Variants in ADAMTS2 observed in about 807,000 individuals in gnomAD.
The protein encoded by ADAMTS2 is ADAM metallopeptidase with thrombospondin type 1 motif 2.
In ADAMTS2, 50 loss-of-function variants were observed where a neutral mutation model predicts 123.0. That is an observed-to-expected ratio of 0.41 (90% CI 0.32 to 0.51). The LOEUF (loss-of-function observed/expected upper bound fraction) is 0.51, where lower values mean the gene tolerates loss of function less well. Among genes scored for constraint, ADAMTS2 ranks in the 20% least tolerant of loss-of-function variants. The pLI is 0.35. For missense variants in ADAMTS2, 1,494 were observed against 1,705.2 expected, an observed-to-expected ratio of 0.88 and a Z score of 2.18; for synonymous variants, 678 against 695.4, an observed-to-expected ratio of 0.98 and a Z score of 0.39.
chr5:179,296,757 C>T (rs1205578197), intron 2 of ADAMTS2, among the ~76,000 whole-genome samples: 1 of 152,004 alleles, frequency 6.6e-6, no homozygotes, highest in Non-Finnish European at 1.5e-5. Flanking sequence ...TGCCTGCCTG[C>T]TCCCAGGGTG....
Position 179,118,978 on chromosome 5 carries a change from G to A in ADAMTS2, c.3178+2683C>T, listed in dbSNP as rs115776298. On this transcript the variant is annotated intron_variant, in intron 21 of 21. Coordinates refer to ENST00000251582, the MANE Select transcript of ADAMTS2 (RefSeq NM_014244.5). This position sits in a 1 kb window ranked among gnomAD's most constrained non-coding sequence, Gnocchi z 4.5. ...GAGAATACCTCATTCTCATTTCTCA[G>A]TAAAGGAGTGGTAGGCTCAGACACC... Among the ~76,000 whole-genome samples the A allele has an allele frequency of 8.3e-3, 1,266 of 152,346 alleles. 14 individuals carry two copies. Among genetic ancestry groups the A allele is most frequent in the African/African-American group, 0.029 (1,207 of 41,582 alleles).
Position 179,228,778 on chromosome 5 carries a change from C to A in ADAMTS2, c.689-21063G>T, listed in dbSNP as rs1429747305. On this transcript the variant is annotated intron_variant, in intron 3 of 21. Coordinates refer to ENST00000251582, the MANE Select transcript of ADAMTS2 (RefSeq NM_014244.5). The surrounding 1 kb of genome is among the most constrained non-coding windows in gnomAD (Gnocchi z 5.2). ...GTGGGGCTCCAGACCCGGGGCGGTG[C>A]CTTCACCACGGCCTCCTCATCCAGC... is the stretch of plus-strand genomic sequence containing the variant. Among the ~76,000 whole-genome samples, 1 of 152,246 alleles carries A rather than the reference C, an allele frequency of 6.6e-6. No homozygotes were observed. The highest frequency in any genetic ancestry group is 6.5e-5 in the Admixed American group (1 of 15,286).
At chr5:179,199,216 C>G (rs1406364584) in intron 4 of ADAMTS2, among the ~76,000 whole-genome samples, 1 of 152,214 alleles carries the variant, frequency 6.6e-6, no homozygotes. Context: ...TCATCTCACC[C>G]TTGCATGTGT....
At chr5:179,344,856 C>G (rs1757895086) in intron 1 of ADAMTS2, among the ~76,000 whole-genome samples, 1 of 152,192 alleles carries the variant, frequency 6.6e-6, no homozygotes, top group Admixed American at 6.5e-5. Flanking sequence ...GACGCGAGCC[C>G]CGGCGCCGCC....
At chr5:179,299,290 G>A (rs559221538) in intron 2 of ADAMTS2, among the ~76,000 whole-genome samples, 2 of 138,942 alleles carry the variant, frequency 1.4e-5, no homozygotes, top group African/African-American at 2.7e-5. Context: ...AGCACTTTGG[G>A]AGGCTGAGGC....
chr5:179,204,745 C>A (rs764016705), intron 4 of ADAMTS2, among the ~76,000 whole-genome samples: 2 of 152,242 alleles, frequency 1.3e-5, no homozygotes, highest in African/African-American at 2.4e-5. Flanking sequence ...GCCCACGCTG[C>A]GCTCTTGCAG....
chr5:179,310,625 C>A (rs1170812365), intron 2 of ADAMTS2, among the ~76,000 whole-genome samples: 3 of 152,102 alleles, frequency 2.0e-5, no homozygotes, highest in South Asian at 4.1e-4. Flanking sequence ...AGCCTGGGGG[C>A]CCCCGGGAGC....
intron 5 of ADAMTS2, among the ~76,000 whole-genome samples, chr5:179,174,258 T>C (rs1385005643): frequency 6.6e-6 from 1 of 152,172 alleles, no homozygotes; most frequent in Non-Finnish European, 1.5e-5. Context: ...TTTTTCTTTG[T>C]TTCCTTCCAT....
intron 2 of ADAMTS2, among the ~76,000 whole-genome samples, chr5:179,299,484 A>G (rs576893429): frequency 1.0e-4 from 15 of 145,858 alleles, no homozygotes; most frequent in South Asian, 2.3e-4. Flanking sequence ...AGCCAAGATC[A>G]CACCACAGCA....
chr5:179,236,812 C>T (rs1261478566), intron 3 of ADAMTS2, among the ~76,000 whole-genome samples: 6 of 152,054 alleles, frequency 3.9e-5, no homozygotes, highest in South Asian at 2.1e-4. Flanking sequence ...TTTCCCCCTT[C>T]GATGTATGCT....
chr5:179,228,044 G>A lies in ADAMTS2; in HGVS notation c.689-20329C>T, dbSNP rs1187696541. Among the ~76,000 whole-genome samples the A allele has an allele frequency of 2.0e-5, 3 of 152,120 alleles. No homozygotes were observed. The highest frequency in any genetic ancestry group is 2.9e-5 in the Non-Finnish European group (2 of 68,006). Reference sequence around the variant, plus strand: ...GCAAGGGACCCTCGGGAGGAGCCGCGTGGGAGGAGGAGAAGGCCGTGTGGG... The same window carrying A: ...GCAAGGGACCCTCGGGAGGAGCCGCATGGGAGGAGGAGAAGGCCGTGTGGG... On this transcript the variant is annotated intron_variant, in intron 3 of 21. Transcript: ENST00000251582. This position sits in a 1 kb window ranked among gnomAD's most constrained non-coding sequence, Gnocchi z 5.2.
At chr5:179,235,857 C>T (rs1765512359) in intron 3 of ADAMTS2, among the ~76,000 whole-genome samples, 1 of 152,246 alleles carries the variant, frequency 6.6e-6, no homozygotes. Context: ...GTGCCCCCAC[C>T]CTCAGGGCAT....
At chr5:179,342,935 G>A (rs1757822859) in intron 2 of ADAMTS2, among the ~76,000 whole-genome samples, 1 of 152,200 alleles carries the variant, frequency 6.6e-6, no homozygotes, top group Non-Finnish European at 1.5e-5. Context: ...GACTAGAGAG[G>A]CGCAGGCAGT....
intron 3 of ADAMTS2, among the ~76,000 whole-genome samples, chr5:179,219,633 T>A (rs1361642564): frequency 6.6e-6 from 1 of 152,212 alleles, no homozygotes; most frequent in African/African-American, 2.4e-5. Context: ...GGTGTGAGGC[T>A]GCTGAGGTTG....
In ADAMTS2 at chr5:179,122,723, G is replaced by A; in HGVS notation, c.3009C>T (p.Arg1003=). Residue 1003 remains arginine (R), a synonymous_variant, in exon 20 of 22, where the codon CGC becomes CGT. Transcript: ENST00000251582. ...AGATGCCGAAGCTGTCGTCCGCGGTGCGGCAGAGCACTGGCCGCTCCTGGG... is the reference window on the plus strand; with the variant it reads ...AGATGCCGAAGCTGTCGTCCGCGGTACGGCAGAGCACTGGCCGCTCCTGGG... ...NGTQERPVLC[R]TADDSFGICQ... 2 of 1,552,764 alleles carry A rather than the reference G, an allele frequency of 1.3e-6. No individual in the cohort carries two copies. The highest frequency in any genetic ancestry group is 1.7e-6 in the Non-Finnish European group (2 of 1,148,290).
At chr5:179,255,702 C>T (rs551334856) in intron 3 of ADAMTS2, among the ~76,000 whole-genome samples, 96 of 152,274 alleles carry the variant, frequency 6.3e-4, no homozygotes, top group Admixed American at 1.2e-3. Context: ...GGCTGGGGCC[C>T]GCCTCACCTC....
At chr5:179,318,318 A>T (rs1226487522) in intron 2 of ADAMTS2, among the ~76,000 whole-genome samples, 1 of 152,264 alleles carries the variant, frequency 6.6e-6, no homozygotes, top group Non-Finnish European at 1.5e-5. Context: ...GAGCCTCAGC[A>T]CACAGGAGGC....
Position 179,113,970 on chromosome 5 carries a change from T to C in ADAMTS2, c.3533A>G (p.Asn1178Ser). Residue 1178 changes from asparagine to serine, a missense_variant, in exon 22 of 22, where the codon AAC becomes AGC. This residue lies in a region of ADAMTS2 where 953 missense variants were observed against 1,124.7 expected (regional missense o/e 0.85). Coordinates refer to ENST00000251582, the MANE Select transcript of ADAMTS2 (RefSeq NM_014244.5). Reference sequence around the variant, plus strand: ...GGGGCTCGGTCGTCGAGGGATTAGGTTGGGTGGCTGGACTTCATCTTCCAG... The same window carrying C: ...GGGGCTCGGTCGTCGAGGGATTAGGCTGGGTGGCTGGACTTCATCTTCCAG... The part of the protein sequence containing the change: ...HGLEDEVQPP[N>S]LIPRRPSPYE... 1 of 1,614,036 alleles carries C rather than the reference T, an allele frequency of 6.2e-7. No homozygotes were observed. Among genetic ancestry groups the C allele is most frequent in the Non-Finnish European group, 8.5e-7 (1 of 1,179,992 alleles).
chr5:179,160,974 T>C (rs1581161268), intron 5 of ADAMTS2, among the ~76,000 whole-genome samples: 1 of 152,216 alleles, frequency 6.6e-6, no homozygotes, highest in Admixed American at 6.5e-5. Context: ...CTCTGTCACC[T>C]AGGACCTGAG....
Sources: gnomAD v4.1 joint callset for allele counts (sites outside exome capture counted in the v4.1 genomes callset) on GRCh38, gnomAD v4.1.1 for gene constraint, gnomAD v4.1.1 regional missense constraint, Gnocchi (gnomAD v3.1) non-coding constraint, MANE v1.5 for transcripts, NCBI Gene and HGNC (gene_info 2026-07-23, HGNC 2026-07-21) for gene names.